The following YJU2B variants were observed in gnomAD, a reference collection of about 807,000 sequenced individuals.
YJU2B encodes the protein YJU2 splicing factor homolog B, also known as probable splicing factor YJU2B.
In YJU2B, 18 loss-of-function variants were observed where a neutral mutation model predicts 38.0. The ratio of observed to expected loss-of-function variants is 0.47; its 90% CI spans 0.33 to 0.70. YJU2B has a LOEUF of 0.70. YJU2B is among the 30% of genes least tolerant of loss of function. The pLI is 0.02. For synonymous variants in YJU2B, 246 were observed against 225.4 expected (o/e 1.09, Z -0.82); for missense variants, 538 against 556.3 (o/e 0.97, Z 0.33).
At chr19:13,756,347 G>A in intron 4 of YJU2B, 68 bp downstream of exon 4, 1 of 1,300,902 alleles carries the variant, frequency 7.7e-7, no homozygotes, top group East Asian at 2.3e-5. Flanking sequence ...GGAGAGTTCA[G>A]TGCCCTCATT....
chr19:13,749,366 C>A (rs1267431037), intron 1 of YJU2B, among the ~76,000 whole-genome samples: 1 of 152,152 alleles, frequency 6.6e-6, no homozygotes, highest in Non-Finnish European at 1.5e-5. Flanking sequence ...TACTTTGTGA[C>A]ATGACGATTA....
chr19:13,752,329 C>A (rs933936591), intron 2 of YJU2B, among the ~76,000 whole-genome samples: 1 of 151,764 alleles, frequency 6.6e-6, no homozygotes, highest in Middle Eastern at 3.2e-3. Flanking sequence ...ATTGCAAGGC[C>A]AGGCACAGTG....
intron 2 of YJU2B, among the ~76,000 whole-genome samples, chr19:13,741,504 G>A (rs1973094501): frequency 6.6e-6 from 1 of 151,538 alleles, no homozygotes; most frequent in Non-Finnish European, 1.5e-5. Flanking sequence ...AGGCTGGAGT[G>A]GTGGGAGGAT....
At chr19:13,761,391 A>G (rs564532971) in intron 8 of YJU2B, 7 of 152,516 alleles carry the variant, frequency 4.6e-5, no homozygotes, top group African/African-American at 1.7e-4. Context: ...TCAAAAAAAT[A>G]TAGAATTAAA....
chr19:13,744,077 G>A (rs1016802200), upstream of YJU2B, among the ~76,000 whole-genome samples: 7 of 151,566 alleles, frequency 4.6e-5, no homozygotes, highest in African/African-American at 7.3e-5. Context: ...TGTAATCCCA[G>A]CTACTTGGGA....
chr19:13,743,999 T>G (rs2145101799), upstream of YJU2B, among the ~76,000 whole-genome samples: 1 of 152,324 alleles, frequency 6.6e-6, no homozygotes, highest in Admixed American at 6.5e-5. Flanking sequence ...CAAGCCAGCC[T>G]GGCCAGCATA....
intron 3 of YJU2B, 107 bp from the exon 4 acceptor site, chr19:13,756,090 G>C (rs1973656074): frequency 5.9e-6 from 5 of 841,222 alleles, no homozygotes; most frequent in Admixed American, 5.4e-5. Flanking sequence ...AAGAATCAAG[G>C]CCTCTCCCAC....
intron 3 of YJU2B, among the ~76,000 whole-genome samples, 155 bp downstream of exon 3, chr19:13,754,497 G>C (rs1283569847): frequency 6.6e-6 from 1 of 152,138 alleles, no homozygotes; most frequent in Non-Finnish European, 1.5e-5. Flanking sequence ...TCACTTTTGG[G>C]TGATAACTGT....
intron 1 of YJU2B, among the ~76,000 whole-genome samples, chr19:13,751,376 C>T (rs1973456059): frequency 6.6e-6 from 1 of 152,118 alleles, no homozygotes; most frequent in Admixed American, 6.6e-5. Context: ...GATCGCGCCA[C>T]TGCACTCCAG....
intron 1 of YJU2B, among the ~76,000 whole-genome samples, chr19:13,750,320 C>T (rs1045671174): frequency 2.0e-5 from 3 of 152,092 alleles, no homozygotes; most frequent in East Asian, 2.0e-4. Flanking sequence ...CTCCGCCTCC[C>T]GGTTTGAGCC....
upstream of YJU2B, among the ~76,000 whole-genome samples, chr19:13,747,355 A>T (rs1050072041): frequency 8.5e-5 from 13 of 152,214 alleles, no homozygotes; most frequent in African/African-American, 3.1e-4. Context: ...ACTATTTAAA[A>T]ATGCAAAAAC....
intron 2 of YJU2B, among the ~76,000 whole-genome samples, chr19:13,741,458 T>A (rs1973093121): frequency 6.6e-6 from 1 of 151,284 alleles, no homozygotes; most frequent in Admixed American, 6.6e-5. Context: ...TGGCCAGAAA[T>A]TTTTTTTTAA....
At chr19:13,762,246 A>G (rs1973916077) in intron 8 of YJU2B, 53 bp from the exon 9 acceptor site, 1 of 1,594,722 alleles carries the variant, frequency 6.3e-7, no homozygotes, top group Admixed American at 1.8e-5. Context: ...AGTACACAGA[A>G]GAGACAGGGC....
chr19:13,742,349 C>G (rs1017837177), intron 2 of YJU2B, among the ~76,000 whole-genome samples: 3 of 138,988 alleles, frequency 2.2e-5, no homozygotes, highest in Middle Eastern at 4.8e-3. Flanking sequence ...GTCGCCAGCG[C>G]TGGAGTGCAG....
rs368734186 is a variant in YJU2B, at chr19:13,756,291, C to T, written c.140+12C>T. On this transcript the variant is annotated intron_variant, in intron 4 of 9. Coordinates refer to ENST00000221554, the MANE Select transcript of YJU2B (RefSeq NM_030818.4). Reference sequence around the variant, plus strand: ...ATCCTCATCATCCGGTAAGGCCCAGCATCACCTGAGGACCCCACCGTCCTG... The same window carrying T: ...ATCCTCATCATCCGGTAAGGCCCAGTATCACCTGAGGACCCCACCGTCCTG... 3.1e-6 allele frequency: 5 copies of T among 1,611,442 alleles called. No individual in the cohort carries two copies. The highest frequency in any genetic ancestry group is 4.2e-6 in the Non-Finnish European group (5 of 1,177,652).
chr19:13,736,197 G>T lies in YJU2B; in HGVS notation c.-202+3912G>T, dbSNP rs79791843. Among the ~76,000 whole-genome samples the T allele has an allele frequency of 2.0e-3, 295 of 150,956 alleles. 10 individuals are homozygous for T. The East Asian group carries it at 0.052, about 26-fold the overall frequency. Reference sequence around the variant, plus strand: ...GACCTGGCTAATATGTATACAAAGAGCCATAGCTCCTCCCTTTAATTAATT... The same window carrying T: ...GACCTGGCTAATATGTATACAAAGATCCATAGCTCCTCCCTTTAATTAATT... On this transcript the variant is annotated intron_variant, in intron 2 of 10. Transcript: ENST00000586600.
At chr19:13,748,794 C>T (rs1973346940) in intron 1 of YJU2B, among the ~76,000 whole-genome samples, 1 of 152,184 alleles carries the variant, frequency 6.6e-6, no homozygotes, top group Non-Finnish European at 1.5e-5. Context: ...TGTCCCCTAA[C>T]GCCTCAAGGG....
intron 8 of YJU2B, among the ~76,000 whole-genome samples, chr19:13,760,663 TC>T (rs1218608075): frequency 3.3e-5 from 5 of 151,998 alleles, no homozygotes; most frequent in African/African-American, 1.2e-4. Flanking sequence ...GCAAATCATG[TC>T]TCACTGCAGC....
At chr19:13,752,580 C>T (rs1049025819) in intron 2 of YJU2B, among the ~76,000 whole-genome samples, 1 of 152,072 alleles carries the variant, frequency 6.6e-6, no homozygotes, top group Non-Finnish European at 1.5e-5. Context: ...CCCGTCTCTA[C>T]TAAAAATACA....
Sources: gnomAD v4.1 joint callset for allele counts (sites outside exome capture counted in the v4.1 genomes callset) on GRCh38, gnomAD v4.1.1 for gene constraint, MANE v1.5 for transcripts, NCBI Gene and HGNC (gene_info 2026-07-23, HGNC 2026-07-21) for gene names.